Variants in MCTP2 observed in about 807,000 individuals in gnomAD.
The protein encoded by MCTP2 is multiple C2 and transmembrane domain-containing protein 2.
Under a neutral mutation model 111.6 loss-of-function variants are expected in MCTP2, and 132 were observed. The observed-to-expected ratio is 1.18, with a 90% CI of 1.03 to 1.37. MCTP2 has a LOEUF of 1.37. MCTP2 is among the 40% of genes most tolerant of loss of function. The probability of loss-of-function intolerance (pLI) is 0.00; values close to 1 mark genes in which losing one functional copy is unlikely to be tolerated. For synonymous variants in MCTP2, 395 were observed against 387.7 expected (o/e 1.02, Z -0.22); for missense variants, 1,183 against 1,067.9 (o/e 1.11, Z -1.50).
chr15:94,366,682 T>G (rs1474118257), intron 10 of MCTP2, among the ~76,000 whole-genome samples: 2 of 152,162 alleles, frequency 1.3e-5, no homozygotes, highest in South Asian at 2.1e-4. Flanking sequence ...CATCTTATTC[T>G]ATAATTATGG....
rs35055745 is a variant in MCTP2, at chr15:94,478,988, T to C, written c.2591T>C (p.Leu864Pro). ...VQKVQYAELKLCSSHSPLRKK... is the reference protein window; with the variant it reads ...VQKVQYAELKPCSSHSPLRKK... ...CAGGTGCAGTATGCAGAATTGAAAC[T>C]CTGCAGCAGCCACAGCCCCCTGCGG... The change falls in exon 23 of 23, where the codon CTC becomes CCC. Residue 864 changes from leucine to proline, a missense_variant. Leu to Pro is a moderately conservative substitution (Grantham distance 98). Coordinates refer to ENST00000357742, the MANE Select transcript of MCTP2 (RefSeq NM_001385001.1). 3.4e-4 allele frequency: 548 copies of C among 1,614,042 alleles called. 4 individuals carry two copies. In the African/African-American group the frequency reaches 6.4e-3, roughly 19 times the overall value.
chr15:94,359,714 C>T (rs111588796), intron 10 of MCTP2, among the ~76,000 whole-genome samples: 169 of 152,232 alleles, frequency 1.1e-3, no homozygotes, highest in African/African-American at 2.2e-3. Flanking sequence ...AATGCAGAGG[C>T]CCAAGGAAGT....
chr15:94,271,313 A>T (rs1310951866), intron 1 of MCTP2, among the ~76,000 whole-genome samples: 1 of 152,176 alleles, frequency 6.6e-6, no homozygotes, highest in Non-Finnish European at 1.5e-5. Context: ...TTCCAATTAT[A>T]TTATTCTCTC....
intron 1 of MCTP2, among the ~76,000 whole-genome samples, chr15:94,245,002 AT>A (rs2071685363): frequency 6.7e-6 from 1 of 149,790 alleles, no homozygotes; most frequent in South Asian, 2.1e-4. Flanking sequence ...TTATATACGT[AT>A]ATGTATACAC....
At chr15:94,243,572 C>A (rs574700725) in intron 1 of MCTP2, among the ~76,000 whole-genome samples, 1 of 149,300 alleles carries the variant, frequency 6.7e-6, no homozygotes, top group Non-Finnish European at 1.5e-5. Flanking sequence ...TATGTACATA[C>A]ATACGTATGC....
chr15:94,305,751 G>A (rs58809972), intron 2 of MCTP2, among the ~76,000 whole-genome samples: 1 of 152,144 alleles, frequency 6.6e-6, no homozygotes, highest in Non-Finnish European at 1.5e-5. Flanking sequence ...TGTTGGGGAA[G>A]GGTGATACAT....
chr15:94,323,690 C>G (rs1034743866), intron 4 of MCTP2, among the ~76,000 whole-genome samples: 1 of 152,272 alleles, frequency 6.6e-6, no homozygotes, highest in East Asian at 1.9e-4. Context: ...AAGAACGAGT[C>G]TTACTCTGAT....
chr15:94,358,447 T>A, intron 9 of MCTP2, 35 bp from the exon 10 acceptor site: 4 of 1,582,906 alleles, frequency 2.5e-6, no homozygotes, highest in Non-Finnish European at 3.4e-6. Flanking sequence ...AATGACATTT[T>A]AAGAAAATAA....
intron 17 of MCTP2, among the ~76,000 whole-genome samples, chr15:94,414,780 G>A (rs1363472177): frequency 1.3e-5 from 2 of 152,154 alleles, no homozygotes; most frequent in Non-Finnish European, 2.9e-5. Flanking sequence ...ATGTTTTGGG[G>A]GTTGGTTCCA....
intron 1 of MCTP2, among the ~76,000 whole-genome samples, chr15:94,296,530 A>T (rs2075284655): frequency 6.6e-6 from 1 of 152,250 alleles, no homozygotes; most frequent in South Asian, 2.1e-4. Flanking sequence ...CTCATCTGTA[A>T]CATGGGAATA....
intron 12 of MCTP2, among the ~76,000 whole-genome samples, chr15:94,376,911 G>A (rs112206431): frequency 5.9e-5 from 9 of 152,122 alleles, no homozygotes; most frequent in Non-Finnish European, 8.8e-5. Context: ...ATAGCTTGGC[G>A]TGTTCATCTT....
At chr15:94,342,886 G>A (rs989767527) in intron 7 of MCTP2, 4 of 150,290 alleles carry the variant, frequency 2.7e-5, no homozygotes, top group Admixed American at 1.3e-4. Flanking sequence ...CTATCTTTGT[G>A]AATTTTTATA....
intron 2 of MCTP2, among the ~76,000 whole-genome samples, chr15:94,305,814 G>C (rs1299773922): frequency 2.0e-5 from 3 of 152,172 alleles, no homozygotes; most frequent in Non-Finnish European, 4.4e-5. Flanking sequence ...AGCATCAGAT[G>C]AAATGTGAAG....
At position 94,482,901 on chromosome 15, in the gene MCTP2, G is replaced by C. The variant is rs1369872856; in HGVS notation, c.*3867G>C. 1 of 152,176 alleles carries C rather than the reference G, an allele frequency of 6.6e-6. No homozygotes were observed. 9.4% of individuals were successfully genotyped at this position (152,176 alleles called of 1,614,324 possible). The stretch of plus-strand genomic sequence containing the variant: ...ATCAAATGCCGCTGAGATCACATAA[G>C]TACAGAATCATGACCTTAATGGTTT... On this transcript the variant is annotated 3_prime_UTR_variant, in exon 23 of 23. Coordinates refer to ENST00000357742, the MANE Select transcript of MCTP2 (RefSeq NM_001385001.1).
chr15:94,317,449 G>A lies in MCTP2; in HGVS notation c.637+1812G>A, dbSNP rs575411467. 1.2e-4 allele frequency among the ~76,000 whole-genome samples: 19 copies of A among 152,246 alleles called. 1 individual carries two copies. In the South Asian group the frequency reaches 3.3e-3, roughly 27 times the overall value. ...ACTTAAAGCTTTTCTCTCTGCATAC[G>A]CCTGTGCTATCTGCTTCTGCTTATT... On this transcript the variant is annotated intron_variant, in intron 4 of 22. Transcript: ENST00000357742.
At chr15:94,332,855 GA>G (rs1567447213) in intron 4 of MCTP2, among the ~76,000 whole-genome samples, 1 of 152,166 alleles carries the variant, frequency 6.6e-6, no homozygotes, top group East Asian at 1.9e-4. Context: ...CTAGTTTTTA[GA>G]AAATGTTACA....
At chr15:94,259,799 C>A (rs551383230) in intron 1 of MCTP2, among the ~76,000 whole-genome samples, 2 of 152,242 alleles carry the variant, frequency 1.3e-5, no homozygotes, top group East Asian at 3.9e-4. Flanking sequence ...TGGACATGAT[C>A]GCTTGTAAAG....
chr15:94,344,863 T>C (rs2077878844), intron 7 of MCTP2, among the ~76,000 whole-genome samples: 1 of 152,236 alleles, frequency 6.6e-6, no homozygotes, highest in Non-Finnish European at 1.5e-5. Context: ...AATGTACTTC[T>C]AAAGATTGAA....
chr15:94,323,053 T>C (rs917703575), intron 4 of MCTP2, among the ~76,000 whole-genome samples: 2 of 152,208 alleles, frequency 1.3e-5, no homozygotes, highest in Non-Finnish European at 2.9e-5. Context: ...TGAGGTTTTA[T>C]CTAAATCACT....
Sources: allele counts gnomAD v4.1 joint callset (sites outside exome capture counted in the v4.1 genomes callset), GRCh38; gene constraint gnomAD v4.1.1; transcripts MANE v1.5; gene names NCBI Gene and HGNC (gene_info 2026-07-23, HGNC 2026-07-21).